Variants in SRSF10 observed in about 807,000 individuals in gnomAD.
The protein encoded by SRSF10 is serine/arginine-rich splicing factor 10.
In SRSF10, 9 loss-of-function variants were observed where a neutral mutation model predicts 32.6. The observed-to-expected ratio is 0.28, with a 90% confidence interval of 0.17 to 0.48. The LOEUF (loss-of-function observed/expected upper bound fraction) is 0.48, where lower values mean the gene tolerates loss of function less well. SRSF10 is among the 20% of genes least tolerant of loss of function. The probability of loss-of-function intolerance (pLI) is 0.99; values close to 1 mark genes in which losing one functional copy is unlikely to be tolerated. For missense variants in SRSF10, 201 were observed against 331.8 expected, an observed-to-expected ratio of 0.61 and a Z score of 3.06; for synonymous variants, 105 against 112.4, an observed-to-expected ratio of 0.93 and a Z score of 0.42.
chr1:23,972,352 G>C (rs1641809742), intron 3 of SRSF10, among the ~76,000 whole-genome samples: 1 of 151,786 alleles, frequency 6.6e-6, no homozygotes, highest in Non-Finnish European at 1.5e-5. Flanking sequence ...GCAGTAAATT[G>C]TGATCACACC....
rs1374992399 is a variant in SRSF10, at chr1:23,970,989, C to A, written c.*153G>T. 1.4e-6 allele frequency: 2 copies of A among 1,446,518 alleles called. No individual in the cohort carries two copies. Among genetic ancestry groups the A allele is most frequent in the Non-Finnish European group, 1.8e-6 (2 of 1,106,314 alleles). 89.6% of individuals were successfully genotyped at this position (1,446,518 alleles called of 1,614,324 possible). A position where few individuals can be genotyped will look rare whatever the true frequency, so the allele number is the denominator to read the frequency against. The stretch of plus-strand genomic sequence containing the variant: ...ACTCTTAAGAGTGGCTTCTCAACAG[C>A]ATATCATTTTAATTATAACCATTGC... On this transcript the variant is annotated 3_prime_UTR_variant, in exon 6 of 6. Coordinates refer to ENST00000492112, the MANE Select transcript of SRSF10 (RefSeq NM_054016.4).
chr1:23,975,334 G>T, intron 2 of SRSF10: 1 of 366,184 alleles, frequency 2.7e-6, no homozygotes, highest in Non-Finnish European at 4.9e-6. Flanking sequence ...AATAAGATCT[G>T]TTATAGCTGA....
chr1:23,975,259 T>C (rs1642016250), intron 2 of SRSF10, 182 bp from the exon 3 acceptor site: 2 of 562,246 alleles, frequency 3.6e-6, no homozygotes, highest in African/African-American at 1.9e-5. Context: ...ATAAAAGCAC[T>C]TGTGATTTCC....
rs1641578823 is a variant in SRSF10, at chr1:23,968,666, T to C, written c.*2476A>G. On this transcript the variant is annotated 3_prime_UTR_variant, in exon 6 of 6. Coordinates refer to ENST00000492112, the MANE Select transcript of SRSF10 (RefSeq NM_054016.4). ...TCCCCAAAGAGGTTATCACTTAATA[T>C]TAGTTGCTCATCAACATTCAATTTA... is the stretch of plus-strand genomic sequence containing the variant. 6.6e-6 allele frequency among the ~76,000 whole-genome samples: 1 copy of C among 152,220 alleles called. No homozygotes were observed. Among genetic ancestry groups the C allele is most frequent in the African/African-American group, 2.4e-5 (1 of 41,458 alleles).
In SRSF10 at chr1:23,979,373, C is replaced by G. The variant is rs750754926; in HGVS notation, c.66-556G>C. ...TCACAAAGCTAGCAAAAAACCCCCA[C>G]GAAACACCAAAAACCCAAACCACTT... On this transcript the variant is annotated intron_variant, in intron 1 of 5. Coordinates refer to ENST00000492112, the MANE Select transcript of SRSF10 (RefSeq NM_054016.4). Among the ~76,000 whole-genome samples the G allele has an allele frequency of 8.1e-3, 1,230 of 152,196 alleles. 3 individuals carry two copies. Among genetic ancestry groups the G allele is most frequent in the Middle Eastern group, 0.024 (7 of 294 alleles).
rs887358240 is a variant in SRSF10 at position 23,978,608 on chromosome 1, T to G, written c.170+105A>C. 37 of 1,376,848 alleles carry G rather than the reference T, an allele frequency of 2.7e-5. 2 individuals carry two copies. The highest frequency in any genetic ancestry group is 3.4e-5 in the Non-Finnish European group (35 of 1,044,422). The allele number at this position is 1,376,848 out of a possible 1,614,324, so 85.3% of individuals were successfully genotyped here. On this transcript the variant is annotated intron_variant, in intron 2 of 5. Coordinates refer to ENST00000492112, the MANE Select transcript of SRSF10 (RefSeq NM_054016.4). ...TTTTCAAAAATTTGAAGACAGACAT[T>G]TATTAGAGGACAAAAAGAACTACTT...
chr1:23,972,030 C>G lies in SRSF10; in HGVS notation c.275-18G>C. On this transcript the variant is annotated intron_variant, in intron 3 of 5. Coordinates refer to ENST00000492112, the MANE Select transcript of SRSF10 (RefSeq NM_054016.4). ...ATTTGGTGCTAGGAAATACAAAGAA[C>G]AGAAATATTTAAAAATATTAAAAAC... is the stretch of plus-strand genomic sequence containing the variant. The G allele has an allele frequency of 1.4e-6, 2 of 1,458,736 alleles. No homozygotes were observed. Among genetic ancestry groups the G allele is most frequent in the Non-Finnish European group, 9.0e-7 (1 of 1,108,402 alleles). The allele number at this position is 1,458,736 out of a possible 1,614,324, so 90.4% of individuals were successfully genotyped here. A position where few individuals can be genotyped will look rare whatever the true frequency, so the allele number is the denominator to read the frequency against.
chr1:23,970,881 T>A lies in SRSF10; in HGVS notation c.*261A>T. On this transcript the variant is annotated 3_prime_UTR_variant, in exon 6 of 6. Coordinates refer to ENST00000492112, the MANE Select transcript of SRSF10 (RefSeq NM_054016.4). The stretch of plus-strand genomic sequence containing the variant: ...AACCAACATCTTTTCACCAAATACT[T>A]CAAGCATAAAAAATGAGAATCTTTA... 1 of 1,187,100 alleles carries A rather than the reference T, an allele frequency of 8.4e-7. No individual in the cohort carries two copies. Among genetic ancestry groups the A allele is most frequent in the Non-Finnish European group, 1.0e-6 (1 of 960,150 alleles). The allele number at this position is 1,187,100 out of a possible 1,614,324, so 73.5% of individuals were successfully genotyped here.
In SRSF10 at chr1:23,965,472, T is replaced by A. The variant is rs1290932706; in HGVS notation, c.*5670A>T. 1.3e-5 allele frequency: 2 copies of A among 152,012 alleles called. No individual in the cohort carries two copies. The highest frequency in any genetic ancestry group is 3.8e-4 in the East Asian group (2 of 5,202). The allele number at this position is 152,012 out of a possible 1,614,324, so 9.4% of individuals were successfully genotyped here. ...ACCTTGTAAGGTTGTGAGAAATGAA[T>A]AGCATAATATGCAAGAAGCTATCAC... is the stretch of plus-strand genomic sequence containing the variant. On this transcript the variant is annotated 3_prime_UTR_variant, in exon 6 of 6. Transcript: ENST00000492112.
Position 23,964,815 on chromosome 1 carries a change from C to T in SRSF10, c.*6327G>A, listed in dbSNP as rs1370816392. 2 of 151,900 alleles carry T rather than the reference C, an allele frequency of 1.3e-5. No individual in the cohort carries two copies. The highest frequency in any genetic ancestry group is 4.8e-5 in the African/African-American group (2 of 41,428). 9.4% of individuals were successfully genotyped at this position (151,900 alleles called of 1,614,324 possible). A position where few individuals can be genotyped will look rare whatever the true frequency, so the allele number is the denominator to read the frequency against. ...AAAAAAACCCAAGATTTATTTTTGG[C>T]TCCTAGACCAGTTTATTTCACTTTC... On this transcript the variant is annotated 3_prime_UTR_variant, in exon 6 of 6. Coordinates refer to ENST00000492112, the MANE Select transcript of SRSF10 (RefSeq NM_054016.4).
At chr1:23,972,489 G>A (rs1371973712) in intron 3 of SRSF10, among the ~76,000 whole-genome samples, 10 of 151,434 alleles carry the variant, frequency 6.6e-5, no homozygotes, top group Non-Finnish European at 2.9e-5. Context: ...TACCCAGGCT[G>A]GAATGCAGTG....
At chr1:23,972,226 A>C (rs975778335) in intron 3 of SRSF10, among the ~76,000 whole-genome samples, 37 of 152,016 alleles carry the variant, frequency 2.4e-4, no homozygotes, top group African/African-American at 8.7e-4. Flanking sequence ...CTGGGGCAAC[A>C]TAGCAATATG....
rs1641378749 is a variant in SRSF10 at position 23,964,871 on chromosome 1, A to C, written c.*6271T>G. 6.6e-6 allele frequency: 1 copy of C among 151,972 alleles called. No individual in the cohort carries two copies. The highest frequency in any genetic ancestry group is 1.5e-5 in the Non-Finnish European group (1 of 67,852). 9.4% of individuals were successfully genotyped at this position (151,972 alleles called of 1,614,324 possible). A position where few individuals can be genotyped will look rare whatever the true frequency, so the allele number is the denominator to read the frequency against. On this transcript the variant is annotated 3_prime_UTR_variant, in exon 6 of 6. Transcript: ENST00000492112. ...TTCAAAGAAATGTGATCTGCAAAAA[A>C]CTAGATACAAAGGCCTTTTACTTCT...
chr1:23,974,712 C>T (rs1348558584), intron 3 of SRSF10, among the ~76,000 whole-genome samples: 3 of 151,898 alleles, frequency 2.0e-5, no homozygotes, highest in East Asian at 1.9e-4. Flanking sequence ...ACCTGTAATC[C>T]CAGCTACTCG....
At position 23,969,544 on chromosome 1, in the gene SRSF10, A is replaced by T; in HGVS notation, c.*1598T>A. ...CTTTACAGGCAAAGCCTAGATTACTAAAACCGAAATTGAAAAAAGTAATCC... is the reference window on the plus strand; with the variant it reads ...CTTTACAGGCAAAGCCTAGATTACTTAAACCGAAATTGAAAAAAGTAATCC... On this transcript the variant is annotated 3_prime_UTR_variant, in exon 6 of 6. Transcript: ENST00000492112. 1.0e-6 allele frequency: 1 copy of T among 985,364 alleles called. No individual in the cohort carries two copies. Among genetic ancestry groups the T allele is most frequent in the Admixed American group, 6.1e-5 (1 of 16,294 alleles). The allele number at this position is 985,364 out of a possible 1,614,324, so 61.0% of individuals were successfully genotyped here.
Position 23,969,177 on chromosome 1 carries a change from A to C in SRSF10, c.*1965T>G, listed in dbSNP as rs1250179090. ...TTTGATCCAAACATTGATGTTTTAA[A>C]GGTTGTACACAATATTTGTTAAAAA... On this transcript the variant is annotated 3_prime_UTR_variant, in exon 6 of 6. Coordinates refer to ENST00000492112, the MANE Select transcript of SRSF10 (RefSeq NM_054016.4). 16 of 985,082 alleles carry C rather than the reference A, an allele frequency of 1.6e-5. No individual in the cohort carries two copies. Among genetic ancestry groups the C allele is most frequent in the Non-Finnish European group, 1.8e-5 (15 of 829,324 alleles). 61.0% of individuals were successfully genotyped at this position (985,082 alleles called of 1,614,324 possible).
Position 23,970,659 on chromosome 1 carries a change from G to A in SRSF10, c.*483C>T, listed in dbSNP as rs1196403083. ...CAGGTGTGAGCCACCACGCCCAGCC[G>A]GGCCTAGACATCTTGACAAGACATA... On this transcript the variant is annotated 3_prime_UTR_variant, in exon 6 of 6. Transcript: ENST00000492112. The A allele has an allele frequency of 1.4e-5, 14 of 985,844 alleles. No individual in the cohort carries two copies. The East Asian group carries it at 9.0e-4, about 64-fold the overall frequency. 61.1% of individuals were successfully genotyped at this position (985,844 alleles called of 1,614,324 possible).
At chr1:23,977,871 T>A (rs1216285318) in intron 2 of SRSF10, 10 of 845,224 alleles carry the variant, frequency 1.2e-5, no homozygotes, top group African/African-American at 1.9e-5. Context: ...TACAAAACAT[T>A]AAAAAAAAAA....
Position 23,970,661 on chromosome 1 carries a change from G to A in SRSF10, c.*481C>T. 1 of 986,606 alleles carries A rather than the reference G, an allele frequency of 1.0e-6. No individual in the cohort carries two copies. Among genetic ancestry groups the A allele is most frequent in the South Asian group, 4.7e-5 (1 of 21,350 alleles). The allele number at this position is 986,606 out of a possible 1,614,324, so 61.1% of individuals were successfully genotyped here. A position where few individuals can be genotyped will look rare whatever the true frequency, so the allele number is the denominator to read the frequency against. ...GGTGTGAGCCACCACGCCCAGCCGGGCCTAGACATCTTGACAAGACATAAA... is the reference window on the plus strand; with the variant it reads ...GGTGTGAGCCACCACGCCCAGCCGGACCTAGACATCTTGACAAGACATAAA... On this transcript the variant is annotated 3_prime_UTR_variant, in exon 6 of 6. Transcript: ENST00000492112.
Sources: gnomAD v4.1 joint callset for allele counts (sites outside exome capture counted in the v4.1 genomes callset) on GRCh38, gnomAD v4.1.1 for gene constraint, MANE v1.5 for transcripts, NCBI Gene and HGNC (gene_info 2026-07-23, HGNC 2026-07-21) for gene names.